Variants in NLGN1 observed in about 807,000 individuals in gnomAD.
NLGN1 encodes the protein neuroligin 1.
A neutral mutation model predicts 65.5 loss-of-function variants in NLGN1; 12 were observed. The observed-to-expected ratio is 0.18, with a 90% CI of 0.12 to 0.30. NLGN1 has a LOEUF of 0.30. NLGN1 is among the 10% of genes least tolerant of loss of function. The probability of loss-of-function intolerance (pLI) is 1.00; values close to 1 mark genes in which losing one functional copy is unlikely to be tolerated. For synonymous variants in NLGN1, 350 were observed against 359.5 expected (o/e 0.97, Z 0.30); for missense variants, 750 against 1,007.1 (o/e 0.74, Z 3.46).
intron 4 of NLGN1, among the ~76,000 whole-genome samples, chr3:173,820,646 TAAAAC>T (rs1720104077): frequency 6.6e-6 from 1 of 152,114 alleles, no homozygotes; most frequent in South Asian, 2.1e-4. Context: ...ACAGAGCAAT[TAAAAC>T]AATATACTGA....
chr3:174,100,810 AT>A (rs969787298), intron 4 of NLGN1, among the ~76,000 whole-genome samples: 1 of 151,422 alleles, frequency 6.6e-6, no homozygotes, highest in African/African-American at 2.4e-5. Flanking sequence ...TAAAGTGACC[AT>A]TTTTTTTCTA....
intron 4 of NLGN1, among the ~76,000 whole-genome samples, chr3:174,128,543 G>C (rs1420254414): frequency 2.6e-5 from 4 of 152,100 alleles, no homozygotes; most frequent in African/African-American, 9.7e-5. Flanking sequence ...TCTCTTTACT[G>C]CTGTTCTGAT....
chr3:174,221,804 G>C (rs2152806226), intron 4 of NLGN1, among the ~76,000 whole-genome samples: 1 of 152,024 alleles, frequency 6.6e-6, no homozygotes, highest in East Asian at 1.9e-4. Flanking sequence ...GTGGCTTCCA[G>C]TAATCTCTGC....
intron 3 of NLGN1, among the ~76,000 whole-genome samples, chr3:173,721,377 T>C (rs1293482768): frequency 6.6e-6 from 1 of 152,226 alleles, no homozygotes; most frequent in Non-Finnish European, 1.5e-5. Flanking sequence ...TTTGGTATAT[T>C]GACTAAGGCT....
At chr3:173,536,709 C>T (rs184186174) in intron 2 of NLGN1, among the ~76,000 whole-genome samples, 1 of 152,116 alleles carries the variant, frequency 6.6e-6, no homozygotes, top group African/African-American at 2.4e-5. Context: ...ATGTATTAGT[C>T]AGGACTCTCC....
At chr3:173,830,869 A>G (rs952593914) in intron 4 of NLGN1, among the ~76,000 whole-genome samples, 1 of 152,160 alleles carries the variant, frequency 6.6e-6, no homozygotes, top group Non-Finnish European at 1.5e-5. Context: ...TGTACTTCTA[A>G]TATAGATTTT....
chr3:173,548,213 A>AT (rs1740225824), intron 2 of NLGN1, among the ~76,000 whole-genome samples: 2 of 152,092 alleles, frequency 1.3e-5, no homozygotes, highest in Non-Finnish European at 2.9e-5. Context: ...CTCATAGTTT[A>AT]TTGCCTTTGC....
intron 4 of NLGN1, among the ~76,000 whole-genome samples, chr3:174,075,282 A>G (rs1346600074): frequency 6.6e-6 from 1 of 152,224 alleles, no homozygotes; most frequent in East Asian, 1.9e-4. Flanking sequence ...AACTTAGGAT[A>G]CAATCAATAA....
At chr3:173,929,847 G>A (rs1439081362) in intron 4 of NLGN1, among the ~76,000 whole-genome samples, 3 of 151,972 alleles carry the variant, frequency 2.0e-5, no homozygotes, top group African/African-American at 7.3e-5. Flanking sequence ...TGGGATTATG[G>A]GCATGTGCCA....
rs150997651 is a variant in NLGN1, at chr3:174,243,890, C to T, written c.647-31425C>T. Reference sequence around the variant, plus strand: ...ACTGTTTCACAGAAGTCAAAGAGCTCACCCCAAATTCATACCACTTTTGGG... The same window carrying T: ...ACTGTTTCACAGAAGTCAAAGAGCTTACCCCAAATTCATACCACTTTTGGG... On this transcript the variant is annotated intron_variant, in intron 4 of 6. Transcript: ENST00000457714. Among the ~76,000 whole-genome samples, 546 of 152,274 alleles carry T rather than the reference C, an allele frequency of 3.6e-3. 4 individuals are homozygous for T. The highest frequency in any genetic ancestry group is 0.013 in the African/African-American group (528 of 41,562).
intron 4 of NLGN1, among the ~76,000 whole-genome samples, chr3:173,834,923 A>G (rs746194268): frequency 4.3e-4 from 65 of 152,332 alleles, no homozygotes; most frequent in Admixed American, 3.1e-3. Context: ...AAGAGGCGTA[A>G]TCTCTACGCT....
At chr3:174,126,749 ACTT>A (rs776102319) in intron 4 of NLGN1, among the ~76,000 whole-genome samples, 2 of 152,074 alleles carry the variant, frequency 1.3e-5, no homozygotes, top group Non-Finnish European at 2.9e-5. Context: ...CTGGAGGACA[ACTT>A]CTGTGATTTT....
At chr3:173,527,360 A>T (rs1437924114) in intron 2 of NLGN1, among the ~76,000 whole-genome samples, 1 of 152,116 alleles carries the variant, frequency 6.6e-6, no homozygotes. Context: ...GTATGTCTTC[A>T]TTTGAGAAAT....
At chr3:173,950,669 C>T (rs921403271) in intron 4 of NLGN1, among the ~76,000 whole-genome samples, 8 of 151,586 alleles carry the variant, frequency 5.3e-5, no homozygotes, top group African/African-American at 1.2e-4. Flanking sequence ...AAAAATTAGC[C>T]GGGTGTGGTG....
intron 4 of NLGN1, among the ~76,000 whole-genome samples, chr3:174,224,072 A>C (rs1196830308): frequency 6.6e-6 from 1 of 152,116 alleles, no homozygotes; most frequent in Non-Finnish European, 1.5e-5. Context: ...TATCTCATGA[A>C]TATTTAGTCC....
intron 4 of NLGN1, among the ~76,000 whole-genome samples, chr3:174,008,611 C>T (rs1248535058): frequency 6.6e-6 from 1 of 152,024 alleles, no homozygotes; most frequent in Non-Finnish European, 1.5e-5. Context: ...AAGAGGAGAA[C>T]ATGTCCTGAG....
At chr3:173,870,570 T>C (rs945836852) in intron 4 of NLGN1, among the ~76,000 whole-genome samples, 5 of 152,210 alleles carry the variant, frequency 3.3e-5, no homozygotes, top group Non-Finnish European at 7.3e-5. Context: ...GCATCCAGGA[T>C]GAGAAATTTA....
chr3:174,223,849 T>A (rs1739114550), intron 4 of NLGN1, among the ~76,000 whole-genome samples: 2 of 152,142 alleles, frequency 1.3e-5, no homozygotes, highest in South Asian at 4.1e-4. Context: ...TCCAAATTGC[T>A]CCTCCTTCTG....
intron 4 of NLGN1, among the ~76,000 whole-genome samples, chr3:173,926,934 G>A (rs1470675976): frequency 6.6e-6 from 1 of 152,164 alleles, no homozygotes; most frequent in Non-Finnish European, 1.5e-5. Context: ...TAACTGGAAA[G>A]CCAATTGAGT....
Sources: allele counts gnomAD v4.1 joint callset (sites outside exome capture counted in the v4.1 genomes callset), GRCh38; gene constraint gnomAD v4.1.1; transcripts MANE v1.5; gene names NCBI Gene and HGNC (gene_info 2026-07-23, HGNC 2026-07-21).